Variants in GNA13 observed in about 807,000 individuals in gnomAD.
GNA13 encodes G protein subunit alpha 13, also known as guanine nucleotide-binding protein subunit alpha-13.
Under a neutral mutation model 33.5 loss-of-function variants are expected in GNA13, and 4 were observed. The ratio of observed to expected loss-of-function variants is 0.12; its 90% CI spans 0.06 to 0.27. The LOEUF is 0.27. Among genes scored for constraint, GNA13 ranks in the 10% least tolerant of loss-of-function variants. The probability of loss-of-function intolerance (pLI) is 1.00; values close to 1 mark genes in which losing one functional copy is unlikely to be tolerated. For synonymous variants in GNA13, 176 were observed against 183.8 expected (o/e 0.96, Z 0.34); for missense variants, 319 against 487.2 (o/e 0.65, Z 3.25).
chr17:65,045,482 T>C (rs1907625458), intron 2 of GNA13, among the ~76,000 whole-genome samples: 1 of 113,550 alleles, frequency 8.8e-6, no homozygotes, highest in Non-Finnish European at 1.7e-5. Flanking sequence ...CACTCCAGCC[T>C]GGGCAACAGA....
chr17:65,030,714 A>T (rs1906970600), intron 2 of GNA13, among the ~76,000 whole-genome samples: 2 of 152,246 alleles, frequency 1.3e-5, no homozygotes, highest in Non-Finnish European at 2.9e-5. Context: ...AAAGTGAATT[A>T]AAAAGTTTCC....
chr17:65,015,804 T>G (rs1181186997), intron 3 of GNA13, among the ~76,000 whole-genome samples: 1 of 152,140 alleles, frequency 6.6e-6, no homozygotes, highest in African/African-American at 2.4e-5. Flanking sequence ...CACTCATGAC[T>G]TAAAACTTCT....
chr17:65,040,655 A>G (rs1251131623), intron 2 of GNA13, among the ~76,000 whole-genome samples: 1 of 151,916 alleles, frequency 6.6e-6, no homozygotes, highest in Admixed American at 6.6e-5. Context: ...CACCACGCCC[A>G]GCTAATTTTT....
intron 2 of GNA13, among the ~76,000 whole-genome samples, chr17:65,048,304 C>T (rs1907741039): frequency 1.3e-5 from 2 of 152,152 alleles, no homozygotes; most frequent in Non-Finnish European, 2.9e-5. Flanking sequence ...ATTGTATCAT[C>T]CAGCCAACCC....
intron 3 of GNA13, among the ~76,000 whole-genome samples, chr17:65,017,348 A>C (rs759486815): frequency 2.0e-5 from 3 of 152,228 alleles, no homozygotes; most frequent in Non-Finnish European, 4.4e-5. Context: ...ATCGAGTGCT[A>C]AATAGTCTGG....
intron 2 of GNA13, among the ~76,000 whole-genome samples, chr17:65,019,049 C>T (rs751798675): frequency 6.6e-6 from 1 of 152,140 alleles, no homozygotes; most frequent in Non-Finnish European, 1.5e-5. Context: ...CACTTTCCCG[C>T]GGGATTCTAC....
intron 1 of GNA13, chr17:65,055,822 G>A: frequency 2.1e-6 from 2 of 933,244 alleles, no homozygotes. Flanking sequence ...AAGGAAGCAG[G>A]GAGTTGGGAG....
intron 2 of GNA13, among the ~76,000 whole-genome samples, chr17:65,024,279 G>T (rs1057222420): frequency 6.6e-6 from 1 of 152,108 alleles, no homozygotes; most frequent in Non-Finnish European, 1.5e-5. Flanking sequence ...TGCTCATTTG[G>T]TAGTATCTGT....
rs2143833107 is a variant in GNA13 at position 65,053,410 on chromosome 17, A to G, written c.510+92T>C. 6 of 790,588 alleles carry G rather than the reference A, an allele frequency of 7.6e-6. No individual in the cohort carries two copies. The South Asian group carries it at 9.1e-5, about 12-fold the overall frequency. The allele number at this position is 790,588 out of a possible 1,614,324, so 49.0% of individuals were successfully genotyped here. On this transcript the variant is annotated intron_variant, in intron 2 of 3. Transcript: ENST00000439174. Reference sequence around the variant, plus strand: ...ATCTCAAATACTTTTAGATTTGGGAACATTTCGAATTTTCGCATTAGGGAT... The same window carrying G: ...ATCTCAAATACTTTTAGATTTGGGAGCATTTCGAATTTTCGCATTAGGGAT...
At chr17:65,016,972 A>G (rs970683141) in intron 3 of GNA13, among the ~76,000 whole-genome samples, 14 of 152,352 alleles carry the variant, frequency 9.2e-5, no homozygotes, top group African/African-American at 3.4e-4. Context: ...GTGGTCATTA[A>G]GGTTGTTTCC....
rs1183865205 is a variant in GNA13 at position 65,014,530 on chromosome 17, A to G, written c.861T>C (p.Ile287=). The G allele has an allele frequency of 1.2e-6, 2 of 1,614,096 alleles. No individual in the cohort carries two copies. The highest frequency in any genetic ancestry group is 1.7e-5 in the Admixed American group (1 of 60,016). Residue 287 remains isoleucine (I), a synonymous_variant, in exon 4 of 4, where the codon ATT becomes ATC. Transcript: ENST00000439174. This position sits in a 1 kb window ranked among gnomAD's most constrained non-coding sequence, Gnocchi z 5.3. ...GCAAGTCTGTCTTGTTTAAGAACAGAATTATGGAGACATTGCTGAAAACCC... is the reference window on the plus strand; with the variant it reads ...GCAAGTCTGTCTTGTTTAAGAACAGGATTATGGAGACATTGCTGAAAACCC... ...NNRVFSNVSI[I]LFLNKTDLLE...
chr17:65,014,815 T>A lies in GNA13; in HGVS notation c.576A>T (p.Ser192=). Residue 192 remains serine (S), a synonymous_variant, in exon 4 of 4, where the codon TCA becomes TCT. Coordinates refer to ENST00000439174, the MANE Select transcript of GNA13 (RefSeq NM_006572.6). This position sits in a 1 kb window ranked among gnomAD's most constrained non-coding sequence, Gnocchi z 5.3. ...TTCTGGCAAGCAGAATATCTTGTTG[T>A]GATGGAATATAATCCTGGAAAAGAA... is the stretch of plus-strand genomic sequence containing the variant. ...DKLGEPDYIP[S]QQDILLARRP... is the part of the protein sequence containing the mutation. 1 of 1,607,128 alleles carries A rather than the reference T, an allele frequency of 6.2e-7. No homozygotes were observed. The highest frequency in any genetic ancestry group is 2.2e-5 in the East Asian group (1 of 44,836).
At chr17:65,035,504 T>C (rs1907210281) in intron 2 of GNA13, among the ~76,000 whole-genome samples, 1 of 152,158 alleles carries the variant, frequency 6.6e-6, no homozygotes, top group Non-Finnish European at 1.5e-5. Context: ...AGTGGCTAAC[T>C]GGATGATATT....
At chr17:65,056,255 G>GC in intron 1 of GNA13, 56 bp downstream of exon 1, 1 of 508,070 alleles carries the variant, frequency 2.0e-6, no homozygotes, top group Non-Finnish European at 3.5e-6. Context: ...CCCCGCACCC[G>GC]CCGCCGCCCC....
At chr17:65,016,292 A>C (rs1906365147) in intron 3 of GNA13, among the ~76,000 whole-genome samples, 1 of 152,216 alleles carries the variant, frequency 6.6e-6, no homozygotes, top group African/African-American at 2.4e-5. Context: ...GAATAGTGTC[A>C]TATGATTTTG....
chr17:65,055,431 T>A (rs1378967320), intron 1 of GNA13, among the ~76,000 whole-genome samples: 1 of 152,210 alleles, frequency 6.6e-6, no homozygotes, highest in Non-Finnish European at 1.5e-5. Context: ...ACTCATTCAT[T>A]GTCTCCATCT....
chr17:65,016,655 C>T (rs1906382076), intron 3 of GNA13, among the ~76,000 whole-genome samples: 1 of 152,250 alleles, frequency 6.6e-6, no homozygotes, highest in South Asian at 2.1e-4. Context: ...AGCCACTGCA[C>T]CCGGCCAGAA....
chr17:65,040,673 T>C (rs1041572905), intron 2 of GNA13, among the ~76,000 whole-genome samples: 1 of 152,158 alleles, frequency 6.6e-6, no homozygotes, highest in Admixed American at 6.5e-5. Flanking sequence ...TTTGTATTTT[T>C]AGTAGAGACG....
chr17:65,030,970 A>G (rs994304302), intron 2 of GNA13, among the ~76,000 whole-genome samples: 11 of 152,256 alleles, frequency 7.2e-5, no homozygotes, highest in African/African-American at 9.6e-5. Flanking sequence ...AAGAAAATCT[A>G]TATTACCAAG....
Sources: gnomAD v4.1 joint callset for allele counts (sites outside exome capture counted in the v4.1 genomes callset) on GRCh38, gnomAD v4.1.1 for gene constraint, Gnocchi (gnomAD v3.1) non-coding constraint, MANE v1.5 for transcripts, NCBI Gene and HGNC (gene_info 2026-07-23, HGNC 2026-07-21) for gene names.